Variants in EPB41L4A observed in about 807,000 individuals in gnomAD.
The protein encoded by EPB41L4A is band 4.1-like protein 4A.
In EPB41L4A, 100 loss-of-function variants were observed where a neutral mutation model predicts 108.6. The ratio of observed to expected loss-of-function variants is 0.92; its 90% confidence interval spans 0.78 to 1.09. The LOEUF is 1.09. Among genes scored for constraint, EPB41L4A ranks in the 50% least tolerant of loss-of-function variants. The probability of loss-of-function intolerance (pLI) is 0.00; values close to 1 mark genes in which losing one functional copy is unlikely to be tolerated. For missense variants in EPB41L4A, 1,030 were observed against 842.7 expected, an observed-to-expected ratio of 1.22 and a Z score of -2.75; for synonymous variants, 319 against 289.0, an observed-to-expected ratio of 1.10 and a Z score of -1.05.
intron 1 of EPB41L4A, among the ~76,000 whole-genome samples, chr5:112,401,908 T>C (rs958250957): frequency 6.6e-6 from 1 of 152,234 alleles, no homozygotes; most frequent in Non-Finnish European, 1.5e-5. Context: ...GAATTCCACT[T>C]AGAGCAGCAA....
At chr5:112,292,047 C>T (rs1409031883) in intron 2 of EPB41L4A, among the ~76,000 whole-genome samples, 2 of 152,160 alleles carry the variant, frequency 1.3e-5, no homozygotes, top group South Asian at 2.1e-4. Flanking sequence ...CTTCACAAAA[C>T]TCTAGCATAT....
At chr5:112,317,018 T>C (rs1755470496) in intron 1 of EPB41L4A, among the ~76,000 whole-genome samples, 1 of 152,220 alleles carries the variant, frequency 6.6e-6, no homozygotes, top group South Asian at 2.1e-4. Context: ...TCAGTCTTGC[T>C]ACACTCTATT....
At chr5:112,394,596 C>A (rs1003180125) in intron 1 of EPB41L4A, among the ~76,000 whole-genome samples, 2 of 152,134 alleles carry the variant, frequency 1.3e-5, no homozygotes, top group African/African-American at 4.8e-5. Flanking sequence ...AAAGAGGACA[C>A]AAACAAATGG....
intron 9 of EPB41L4A, among the ~76,000 whole-genome samples, chr5:112,255,525 A>C (rs1751021405): frequency 6.6e-6 from 1 of 152,148 alleles, no homozygotes; most frequent in African/African-American, 2.4e-5. Flanking sequence ...GCCCATTCTC[A>C]GCCTTTACCC....
intron 12 of EPB41L4A, among the ~76,000 whole-genome samples, chr5:112,223,079 C>T (rs899306782): frequency 1.3e-5 from 2 of 151,898 alleles, no homozygotes; most frequent in Non-Finnish European, 1.5e-5. Context: ...GCTAGGACTA[C>T]AGGTACACAC....
chr5:112,165,033 G>GT lies in EPB41L4A; in HGVS notation c.2017dup (p.Thr673AsnfsTer23), dbSNP rs772726022. 3.1e-6 allele frequency: 5 copies of GT among 1,613,772 alleles called. No individual in the cohort carries two copies. The highest frequency in any genetic ancestry group is 2.2e-5 in the East Asian group (1 of 44,870). On this transcript the variant is annotated frameshift_variant, in exon 23 of 23. Coordinates refer to ENST00000261486, the MANE Select transcript of EPB41L4A (RefSeq NM_022140.5). LOFTEE classifies it high-confidence loss of function. ...GCGGGAAGCTTGTATAGTTTTTATT[G>GT]TTTTTGCTGTGTGTTTTCCAGCCAG...
intron 12 of EPB41L4A, among the ~76,000 whole-genome samples, chr5:112,218,880 G>A (rs898502999): frequency 6.6e-6 from 1 of 152,054 alleles, no homozygotes; most frequent in Non-Finnish European, 1.5e-5. Flanking sequence ...AATTTTTCAT[G>A]AAAAGTTTAA....
intron 12 of EPB41L4A, among the ~76,000 whole-genome samples, chr5:112,214,744 C>G (rs747644676): frequency 6.6e-6 from 1 of 151,230 alleles, no homozygotes; most frequent in East Asian, 2.0e-4. Context: ...CCAGCCCAGG[C>G]GACAGAGCAA....
chr5:112,357,341 G>T (rs544347645), intron 1 of EPB41L4A, among the ~76,000 whole-genome samples: 1 of 147,882 alleles, frequency 6.8e-6, no homozygotes, highest in South Asian at 2.1e-4. Flanking sequence ...AAGCTATAAG[G>T]TTGGGCCTTT....
intron 2 of EPB41L4A, among the ~76,000 whole-genome samples, chr5:112,295,677 GA>G (rs1271239149): frequency 1.3e-5 from 2 of 152,156 alleles, no homozygotes; most frequent in Non-Finnish European, 2.9e-5. Flanking sequence ...CTATAAATCA[GA>G]AAAACATAGT....
chr5:112,218,485 C>G (rs1156397061), intron 12 of EPB41L4A, among the ~76,000 whole-genome samples: 3 of 152,164 alleles, frequency 2.0e-5, no homozygotes, highest in Non-Finnish European at 2.9e-5. Context: ...GGCTACACAG[C>G]CGACTGACAC....
chr5:112,165,222 G>C (rs1760172115), intron 22 of EPB41L4A, 104 bp from the exon 23 acceptor site: 1 of 852,056 alleles, frequency 1.2e-6, no homozygotes, highest in Non-Finnish European at 1.8e-6. Context: ...AAGATACTGA[G>C]TTAATTCAAA....
At chr5:112,235,945 T>A (rs7732687) in intron 11 of EPB41L4A, among the ~76,000 whole-genome samples, 1 of 152,074 alleles carries the variant, frequency 6.6e-6, no homozygotes, top group South Asian at 2.1e-4. Context: ...CAGGATAACA[T>A]AGATTTCCAA....
At chr5:112,275,272 G>T in intron 4 of EPB41L4A, 54 bp downstream of exon 4, 1 of 1,489,212 alleles carries the variant, frequency 6.7e-7, no homozygotes. Context: ...TTTAAATAAA[G>T]CTTTTTGTAT....
At chr5:112,240,578 A>G (rs2150381114) in intron 10 of EPB41L4A, 141 bp downstream of exon 10, 1 of 569,482 alleles carries the variant, frequency 1.8e-6, no homozygotes, top group Non-Finnish European at 3.1e-6. Flanking sequence ...TTGTATTAAT[A>G]TAATCCAGAG....
chr5:112,210,805 C>T (rs1212526945), intron 12 of EPB41L4A, among the ~76,000 whole-genome samples: 1 of 151,890 alleles, frequency 6.6e-6, no homozygotes, highest in Non-Finnish European at 1.5e-5. Flanking sequence ...TTTAGATGAT[C>T]AGGGGAAATC....
At chr5:112,296,776 G>A (rs1052021480) in intron 2 of EPB41L4A, among the ~76,000 whole-genome samples, 2 of 151,452 alleles carry the variant, frequency 1.3e-5, no homozygotes, top group African/African-American at 2.4e-5. Context: ...CTTCCCTCCC[G>A]AGTCTCCAAA....
At chr5:112,339,982 T>A (rs1315181165) in intron 1 of EPB41L4A, among the ~76,000 whole-genome samples, 1 of 152,158 alleles carries the variant, frequency 6.6e-6, no homozygotes, top group East Asian at 1.9e-4. Flanking sequence ...ACTCACGTCA[T>A]GTCACCCAGT....
chr5:112,143,816 G>A, exon 14 of EPB41L4A: 1 of 450,830 alleles, frequency 2.2e-6, no homozygotes, highest in Non-Finnish European at 4.5e-6. Context: ...CAAGGAGGTG[G>A]GGCTCTCTGT....
Sources: allele counts gnomAD v4.1 joint callset (sites outside exome capture counted in the v4.1 genomes callset), GRCh38; gene constraint gnomAD v4.1.1; transcripts MANE v1.5; gene names NCBI Gene and HGNC (gene_info 2026-07-23, HGNC 2026-07-21).